The following CTNNA2 variants were observed in gnomAD, a reference collection of about 807,000 sequenced individuals.
CTNNA2 encodes catenin alpha 2, also known as catenin alpha-2.
A neutral mutation model predicts 101.0 loss-of-function variants in CTNNA2; 42 were observed. The observed-to-expected ratio is 0.42, with a 90% CI of 0.32 to 0.54. CTNNA2 has a LOEUF of 0.54. CTNNA2 is among the 20% of genes least tolerant of loss of function. The pLI is 0.14. For missense variants in CTNNA2, 871 were observed against 1,223.1 expected, an observed-to-expected ratio of 0.71 and a Z score of 4.29; for synonymous variants, 450 against 456.4, an observed-to-expected ratio of 0.99 and a Z score of 0.18.
chr2:80,011,383 G>A (rs1170149927), intron 7 of CTNNA2, among the ~76,000 whole-genome samples: 1 of 152,142 alleles, frequency 6.6e-6, no homozygotes, highest in Non-Finnish European at 1.5e-5. Flanking sequence ...GAAGTTGGAG[G>A]CTTGGCCCAT....
At chr2:79,706,471 C>G (rs1378158334) in intron 2 of CTNNA2, among the ~76,000 whole-genome samples, 1 of 151,384 alleles carries the variant, frequency 6.6e-6, no homozygotes, top group Non-Finnish European at 1.5e-5. Flanking sequence ...CTTTCACCAA[C>G]AAAGATTCCC....
At chr2:79,284,738 C>G (rs1675510216) in intron 2 of CTNNA2, among the ~76,000 whole-genome samples, 2 of 150,908 alleles carry the variant, frequency 1.3e-5, no homozygotes. Context: ...GGTTGTGTCT[C>G]TGCCTGGCCT....
chr2:80,466,697 C>T (rs1684882107), intron 9 of CTNNA2, among the ~76,000 whole-genome samples: 1 of 152,174 alleles, frequency 6.6e-6, no homozygotes, highest in South Asian at 2.1e-4. Flanking sequence ...CTCACAGTTC[C>T]CATAGCATTT....
intron 7 of CTNNA2, among the ~76,000 whole-genome samples, chr2:79,968,260 C>CTGAAA (rs1210020200): frequency 1.3e-5 from 2 of 152,098 alleles, no homozygotes; most frequent in African/African-American, 4.8e-5. Context: ...TCTAGAGTAG[C>CTGAAA]TGAAATTCCT....
At chr2:79,236,459 T>A (rs1674558795) in intron 2 of CTNNA2, among the ~76,000 whole-genome samples, 1 of 152,136 alleles carries the variant, frequency 6.6e-6, no homozygotes, top group Non-Finnish European at 1.5e-5. Flanking sequence ...TGGTGGAGGG[T>A]CTTGCTTCAA....
chr2:80,343,841 T>C (rs574838582), intron 7 of CTNNA2, among the ~76,000 whole-genome samples: 1 of 152,322 alleles, frequency 6.6e-6, no homozygotes, highest in South Asian at 2.1e-4. Context: ...CTAAACAATA[T>C]TCTGTGGCAT....
chr2:80,171,593 A>C (rs375088565), intron 7 of CTNNA2, among the ~76,000 whole-genome samples: 2 of 152,332 alleles, frequency 1.3e-5, no homozygotes, highest in East Asian at 1.9e-4. Flanking sequence ...AGTCTCATGC[A>C]CTTTCCTCCA....
intron 4 of CTNNA2, among the ~76,000 whole-genome samples, chr2:79,469,256 C>T (rs190737754): frequency 2.1e-4 from 32 of 152,202 alleles, no homozygotes; most frequent in African/African-American, 5.8e-4. Flanking sequence ...AACACCTCTA[C>T]GCAAATAAAC....
chr2:79,609,284 C>G (rs770801752), intron 1 of CTNNA2, among the ~76,000 whole-genome samples: 1 of 151,846 alleles, frequency 6.6e-6, no homozygotes, highest in Admixed American at 6.6e-5. Flanking sequence ...ATAACATATA[C>G]GACAGCCAGT....
chr2:80,227,964 A>T (rs1708984120), intron 7 of CTNNA2, among the ~76,000 whole-genome samples: 1 of 145,988 alleles, frequency 6.8e-6, no homozygotes, highest in Non-Finnish European at 1.5e-5. Context: ...TTGCCCAGGC[A>T]GCATTTTTTT....
chr2:79,202,732 C>CTTTG (rs34378966), intron 2 of CTNNA2, among the ~76,000 whole-genome samples: 52,749 of 151,094 alleles, frequency 0.35, 10,458 homozygotes, highest in African/African-American at 0.55. Context: ...TTCTACGTTT[C>CTTTG]TTTGTTTGTT....
At chr2:80,365,064 A>G (rs1018890208) in intron 7 of CTNNA2, among the ~76,000 whole-genome samples, 4 of 152,074 alleles carry the variant, frequency 2.6e-5, no homozygotes, top group African/African-American at 9.7e-5. Flanking sequence ...TTTTATCTAC[A>G]TACCTGCATA....
intron 7 of CTNNA2, among the ~76,000 whole-genome samples, chr2:80,214,733 G>A (rs1708143463): frequency 6.6e-6 from 1 of 152,078 alleles, no homozygotes. Flanking sequence ...ACAATTATGT[G>A]TCTTGGAGTT....
At chr2:80,166,668 GT>G (rs1704716368) in intron 7 of CTNNA2, among the ~76,000 whole-genome samples, 1 of 152,170 alleles carries the variant, frequency 6.6e-6, no homozygotes, top group Admixed American at 6.5e-5. Context: ...TTTATAGCCA[GT>G]TGATCAGATG....
intron 4 of CTNNA2, among the ~76,000 whole-genome samples, chr2:79,489,492 C>G (rs1013726718): frequency 6.6e-6 from 1 of 152,130 alleles, no homozygotes; most frequent in Non-Finnish European, 1.5e-5. Context: ...ATGATCTAGG[C>G]TTGTACCCTC....
At chr2:79,509,508 A>G (rs1326140852), upstream of CTNNA2, among the ~76,000 whole-genome samples, 1 of 152,200 alleles carries the variant, frequency 6.6e-6, no homozygotes, top group African/African-American at 2.4e-5. Context: ...CCAATCTGAA[A>G]AGGCTACATA....
rs145130826 is a variant in CTNNA2 at position 80,383,473 on chromosome 2, G to A, written c.1057-9738G>A. On this transcript the variant is annotated intron_variant, in intron 7 of 18. Coordinates refer to ENST00000402739, the MANE Select transcript of CTNNA2 (RefSeq NM_001282597.3). ...AAAGCTTGGGTTGTATTCTGCAGCC[G>A]CACAAAAACTTATTAGGTAACACTA... Among the ~76,000 whole-genome samples the A allele has an allele frequency of 5.4e-3, 826 of 152,206 alleles. 8 individuals carry two copies. The highest frequency in any genetic ancestry group is 0.018 in the African/African-American group (763 of 41,504).
chr2:80,159,655 G>T (rs778627662), intron 7 of CTNNA2, among the ~76,000 whole-genome samples: 1 of 151,968 alleles, frequency 6.6e-6, no homozygotes, highest in East Asian at 1.9e-4. Flanking sequence ...TGTATTTTTA[G>T]TAGAGATGGG....
Position 80,172,098 on chromosome 2 carries a change from C to T in CTNNA2, c.1057-221113C>T, listed in dbSNP as rs150381476. On this transcript the variant is annotated intron_variant, in intron 7 of 18. Transcript: ENST00000402739. ...ACCCCACAAAGATCATGACAGGGAG[C>T]GGTTTCCATGTTTATGGCTACTCGG... is the stretch of plus-strand genomic sequence containing the variant. Among the ~76,000 whole-genome samples, 1,170 of 152,200 alleles carry T rather than the reference C, an allele frequency of 7.7e-3. 5 individuals carry two copies. The highest frequency in any genetic ancestry group is 0.031 in the Middle Eastern group (9 of 294).
Sources: gnomAD v4.1 joint callset for allele counts (sites outside exome capture counted in the v4.1 genomes callset) on GRCh38, gnomAD v4.1.1 for gene constraint, MANE v1.5 for transcripts, NCBI Gene and HGNC (gene_info 2026-07-23, HGNC 2026-07-21) for gene names.